The following LPXN variants were observed in gnomAD, a reference collection of about 807,000 sequenced individuals.
The protein encoded by LPXN is leupaxin.
Under a neutral mutation model 45.6 loss-of-function variants are expected in LPXN, and 28 were observed. That is an observed-to-expected ratio of 0.61 (90% CI 0.45 to 0.84). The LOEUF (loss-of-function observed/expected upper bound fraction) is 0.84. Ranked by LOEUF, LPXN falls within the 40% of genes least tolerant of loss-of-function variation. LPXN has a pLI of 0.00. For synonymous variants in LPXN, 166 were observed against 169.9 expected, an observed-to-expected ratio of 0.98 and a Z score of 0.18; for missense variants, 459 against 475.0, an observed-to-expected ratio of 0.97 and a Z score of 0.31.
chr11:58,570,846 C>T (rs1854673444), intron 1 of LPXN, 133 bp from the exon 2 acceptor site: 2 of 578,432 alleles, frequency 3.5e-6, no homozygotes, highest in African/African-American at 3.7e-5. Flanking sequence ...AATACTTTCC[C>T]TTATTCCTTA....
intron 3 of LPXN, among the ~76,000 whole-genome samples, chr11:58,559,501 C>T (rs1392266379): frequency 1.3e-5 from 2 of 152,058 alleles, no homozygotes; most frequent in African/African-American, 4.8e-5. Flanking sequence ...AACTGCTAAG[C>T]AGACATAGAT....
chr11:58,536,046 G>T (rs1270831623), intron 7 of LPXN, among the ~76,000 whole-genome samples: 2 of 152,174 alleles, frequency 1.3e-5, no homozygotes, highest in South Asian at 2.1e-4. Flanking sequence ...CATGCTTCTG[G>T]ATAGGAAGAA....
chr11:58,552,115 G>A (rs1854070462), intron 4 of LPXN, among the ~76,000 whole-genome samples: 1 of 152,176 alleles, frequency 6.6e-6, no homozygotes, highest in Non-Finnish European at 1.5e-5. Flanking sequence ...GGAATCTGGA[G>A]GATCCCTGTG....
chr11:58,537,757 A>G, intron 7 of LPXN, among the ~76,000 whole-genome samples: 1 of 152,080 alleles, frequency 6.6e-6, no homozygotes, highest in Non-Finnish European at 1.5e-5. Flanking sequence ...ACAAGCTACA[A>G]AGAAATATTT....
chr11:58,534,691 A>G (rs1853494970), intron 7 of LPXN, among the ~76,000 whole-genome samples: 1 of 152,186 alleles, frequency 6.6e-6, no homozygotes, highest in South Asian at 2.1e-4. Flanking sequence ...ACTGAAGGAG[A>G]TAGAGAATGA....
At chr11:58,576,364 T>C (rs960069545), upstream of LPXN, among the ~76,000 whole-genome samples, 1 of 152,228 alleles carries the variant, frequency 6.6e-6, no homozygotes, top group Non-Finnish European at 1.5e-5. Context: ...GCTTGGATTC[T>C]CAGGGCCTGG....
intron 7 of LPXN, among the ~76,000 whole-genome samples, chr11:58,547,047 A>G (rs896683173): frequency 2.0e-5 from 3 of 152,076 alleles, no homozygotes; most frequent in African/African-American, 7.2e-5. Flanking sequence ...AGAGTTGGAT[A>G]TGTGTGCCTT....
At chr11:58,555,039 C>A in intron 3 of LPXN, 99 bp from the exon 4 acceptor site, 1 of 732,772 alleles carries the variant, frequency 1.4e-6, no homozygotes, top group Non-Finnish European at 2.3e-6. Context: ...ATAATGAATC[C>A]CCTGGATATG....
intron 7 of LPXN, among the ~76,000 whole-genome samples, chr11:58,546,309 T>C (rs1189058356): frequency 1.3e-5 from 2 of 152,112 alleles, no homozygotes; most frequent in Admixed American, 6.6e-5. Flanking sequence ...ACAGGACTGG[T>C]TGAAAGTCTA....
intron 7 of LPXN, among the ~76,000 whole-genome samples, chr11:58,540,619 T>A (rs147476755): frequency 1.8e-4 from 27 of 152,300 alleles, no homozygotes; most frequent in African/African-American, 6.0e-4. Context: ...TTATACTTAC[T>A]GAAGCTAGGT....
intron 1 of LPXN, among the ~76,000 whole-genome samples, chr11:58,571,356 A>AATAC (rs1565206413): frequency 6.6e-6 from 1 of 151,490 alleles, no homozygotes; most frequent in Non-Finnish European, 1.5e-5. Context: ...TAAATAAATA[A>AATAC]ATAAATAAAT....
At chr11:58,553,296 A>G (rs1854105075) in intron 4 of LPXN, among the ~76,000 whole-genome samples, 1 of 146,996 alleles carries the variant, frequency 6.8e-6, no homozygotes, top group Non-Finnish European at 1.5e-5. Flanking sequence ...AGATCATGCC[A>G]CTGCACTCCA....
chr11:58,570,828 T>G, intron 1 of LPXN, 115 bp from the exon 2 acceptor site: 1 of 690,980 alleles, frequency 1.4e-6, no homozygotes, highest in Non-Finnish European at 2.3e-6. Context: ...CAATTATGGC[T>G]ATTTTCAAAT....
At chr11:58,548,000 A>C (rs1853927231) in intron 7 of LPXN, among the ~76,000 whole-genome samples, 1 of 152,182 alleles carries the variant, frequency 6.6e-6, no homozygotes. Flanking sequence ...AAACAAACAT[A>C]CAAAGGGGGA....
At chr11:58,559,363 G>A (rs1047654547) in intron 3 of LPXN, among the ~76,000 whole-genome samples, 2 of 151,844 alleles carry the variant, frequency 1.3e-5, no homozygotes, top group Non-Finnish European at 2.9e-5. Context: ...AGAAAAATTG[G>A]ACATATATAT....
chr11:58,528,675 T>C (rs183147422), intron 7 of LPXN, among the ~76,000 whole-genome samples: 19 of 152,336 alleles, frequency 1.2e-4, no homozygotes, highest in Non-Finnish European at 2.4e-4. Context: ...ATTGTTGATC[T>C]TGTCACCATT....
At position 58,528,042 on chromosome 11, in the gene LPXN, C is replaced by T. The variant is rs1853279107; in HGVS notation, c.891+1G>A. ...TCCGAAAGAAAAGTGATTATACAGA[C>T]CCCACAAACAAAGCACTCTGGGTGC... On this transcript the variant is annotated splice_donor_variant, in intron 8 of 8. Transcript: ENST00000395074. LOFTEE classifies it high-confidence loss of function. The T allele has an allele frequency of 6.2e-7, 1 of 1,613,614 alleles. No individual in the cohort carries two copies. The highest frequency in any genetic ancestry group is 2.2e-5 in the East Asian group (1 of 44,894).
At chr11:58,533,540 A>G (rs1012828964) in intron 7 of LPXN, among the ~76,000 whole-genome samples, 39 of 152,372 alleles carry the variant, frequency 2.6e-4, no homozygotes, top group African/African-American at 8.7e-4. Flanking sequence ...ACAGAAAGGA[A>G]TAACTGGTAC....
chr11:58,549,043 C>T (rs1853957911), intron 7 of LPXN, among the ~76,000 whole-genome samples: 1 of 152,102 alleles, frequency 6.6e-6, no homozygotes, highest in African/African-American at 2.4e-5. Context: ...ACAGTCAATA[C>T]ATAATGGTTA....
Sources: gnomAD v4.1 joint callset for allele counts (sites outside exome capture counted in the v4.1 genomes callset) on GRCh38, gnomAD v4.1.1 for gene constraint, MANE v1.5 for transcripts, NCBI Gene and HGNC (gene_info 2026-07-23, HGNC 2026-07-21) for gene names.